Variants in KANK4 observed in about 807,000 individuals in gnomAD.
The protein encoded by KANK4 is KN motif and ankyrin repeat domain-containing protein 4.
A neutral mutation model predicts 80.8 loss-of-function variants in KANK4; 50 were observed. The ratio of observed to expected loss-of-function variants is 0.62; its 90% CI spans 0.49 to 0.78. The LOEUF (loss-of-function observed/expected upper bound fraction) is 0.78. Among genes scored for constraint, KANK4 ranks in the 30% least tolerant of loss-of-function variants. The probability of loss-of-function intolerance (pLI) is 0.00; values close to 1 mark genes in which losing one functional copy is unlikely to be tolerated. For missense variants in KANK4, 1,196 were observed against 1,240.1 expected, an observed-to-expected ratio of 0.96 and a Z score of 0.53; for synonymous variants, 465 against 506.9, an observed-to-expected ratio of 0.92 and a Z score of 1.11.
In KANK4 at chr1:62,247,320, T is replaced by TTA; in HGVS notation, c.2883+151_2883+152insTA. ...AAACAGCTACTTTTTTTTTTTTTTTTAAGAGATGGGGGTCTCCCTATGTTG... is the reference window on the plus strand; with the variant it reads ...AAACAGCTACTTTTTTTTTTTTTTTTTAAAGAGATGGGGGTCTCCCTATGTTG... On this transcript the variant is annotated intron_variant, in intron 9 of 9. Coordinates refer to ENST00000371153, the MANE Select transcript of KANK4 (RefSeq NM_181712.5). 1.2e-5 allele frequency: 7 copies of TTA among 568,376 alleles called. No homozygotes were observed. In the South Asian group the frequency reaches 1.5e-4, roughly 12 times the overall value. The allele number at this position is 568,376 out of a possible 1,614,324, so 35.2% of individuals were successfully genotyped here. A position where few individuals can be genotyped will look rare whatever the true frequency, so the allele number is the denominator to read the frequency against.
chr1:62,286,670 A>T (rs539749172), intron 1 of KANK4, among the ~76,000 whole-genome samples: 1 of 152,210 alleles, frequency 6.6e-6, no homozygotes, highest in East Asian at 1.9e-4. Context: ...ATTTGTTCCT[A>T]ATGAGGACGT....
rs2666471 is a variant in KANK4 at position 62,263,388 on chromosome 1, C to T, written c.2320-77G>A. The T allele has an allele frequency of 2.0e-4, 238 of 1,208,806 alleles. 1 individual carries two copies. In the African/African-American group the frequency reaches 3.5e-3, roughly 18 times the overall value. The allele number at this position is 1,208,806 out of a possible 1,614,324, so 74.9% of individuals were successfully genotyped here. A position where few individuals can be genotyped will look rare whatever the true frequency, so the allele number is the denominator to read the frequency against. ...TCCTCCCTTACACAAGGAAAGACAG[C>T]TTTGGCCTCTGTCCCTGCAGCTCCC... On this transcript the variant is annotated intron_variant, in intron 6 of 9. Transcript: ENST00000371153.
chr1:62,289,284 A>C (rs775202870), intron 1 of KANK4, among the ~76,000 whole-genome samples: 18 of 152,234 alleles, frequency 1.2e-4, no homozygotes, highest in Middle Eastern at 3.2e-3. Context: ...AGAGGCCTAA[A>C]GCACTTGCCC....
intron 9 of KANK4, among the ~76,000 whole-genome samples, chr1:62,238,676 G>T (rs1298804246): frequency 6.6e-6 from 1 of 151,308 alleles, no homozygotes; most frequent in Non-Finnish European, 1.5e-5. Flanking sequence ...ATCGCCCAGG[G>T]TGGAGTGCAG....
At chr1:62,294,836 G>T (rs949817686) in intron 1 of KANK4, among the ~76,000 whole-genome samples, 3 of 152,198 alleles carry the variant, frequency 2.0e-5, no homozygotes, top group Admixed American at 2.0e-4. Context: ...CATCAGAGAT[G>T]AATCAAAGAG....
chr1:62,281,337 T>C (rs1401189466), intron 2 of KANK4, among the ~76,000 whole-genome samples: 1 of 152,204 alleles, frequency 6.6e-6, no homozygotes, highest in Admixed American at 6.5e-5. Flanking sequence ...ATCACTTAGG[T>C]ATAAATGGAG....
intron 1 of KANK4, among the ~76,000 whole-genome samples, chr1:62,314,594 C>A (rs186170337): frequency 7.2e-5 from 11 of 152,214 alleles, no homozygotes; most frequent in African/African-American, 2.7e-4. Flanking sequence ...TTCTCTCCCC[C>A]CTTGTCATTT....
chr1:62,284,369 C>A (rs569304478), intron 1 of KANK4, among the ~76,000 whole-genome samples: 1 of 152,272 alleles, frequency 6.6e-6, no homozygotes, highest in Non-Finnish European at 1.5e-5. Flanking sequence ...TGACATAAAG[C>A]CATTTCTTTT....
intron 1 of KANK4, among the ~76,000 whole-genome samples, chr1:62,296,001 C>T (rs12724349): frequency 0.28 from 43,162 of 152,080 alleles, 6,577 homozygotes; most frequent in Middle Eastern, 0.39. Flanking sequence ...CCTAGGACAA[C>T]CTGGGCACGA....
At chr1:62,261,925 G>A (rs1268621489) in intron 7 of KANK4, among the ~76,000 whole-genome samples, 2 of 152,048 alleles carry the variant, frequency 1.3e-5, no homozygotes, top group Non-Finnish European at 1.5e-5. Context: ...TTCCTAAATT[G>A]CATTCTCTAT....
intron 9 of KANK4, among the ~76,000 whole-genome samples, chr1:62,241,585 G>A (rs781494508): frequency 1.3e-5 from 2 of 152,188 alleles, no homozygotes; most frequent in Non-Finnish European, 1.5e-5. Flanking sequence ...CATTTGGTCG[G>A]CCCTCAACAA....
rs746615430 is a variant in KANK4, at chr1:62,281,518, T to C, written c.16+31A>G. ...TCTTTCCCAGCCCAAGTGCTTATCTTAAACCAGGCCCTACAAAGCAGCTTG... is the reference window on the plus strand; with the variant it reads ...TCTTTCCCAGCCCAAGTGCTTATCTCAAACCAGGCCCTACAAAGCAGCTTG... On this transcript the variant is annotated intron_variant, in intron 2 of 9. Coordinates refer to ENST00000371153, the MANE Select transcript of KANK4 (RefSeq NM_181712.5). The C allele has an allele frequency of 3.7e-6, 6 of 1,613,990 alleles. No individual in the cohort carries two copies. The Admixed American group carries it at 8.3e-5, about 22-fold the overall frequency.
chr1:62,266,949 G>A (rs1428177809), intron 5 of KANK4, 130 bp from the exon 6 acceptor site: 2 of 599,152 alleles, frequency 3.3e-6, no homozygotes, highest in African/African-American at 1.9e-5. Flanking sequence ...CCCTAGGAGA[G>A]GGTGAGCTTC....
At chr1:62,315,489 A>G (rs955215103) in intron 1 of KANK4, among the ~76,000 whole-genome samples, 1 of 152,174 alleles carries the variant, frequency 6.6e-6, no homozygotes, top group Non-Finnish European at 1.5e-5. Flanking sequence ...ACACATGTAC[A>G]TTATGATATT....
Position 62,278,322 on chromosome 1 carries a change from TTCCTTCC to T in KANK4, c.16+3220_16+3226del, listed in dbSNP as rs1431793648. Among the ~76,000 whole-genome samples, 47 of 28,116 alleles carry T rather than the reference TTCCTTCC, an allele frequency of 1.7e-3. 4 individuals are homozygous for T. The highest frequency in any genetic ancestry group is 5.7e-3 in the African/African-American group (27 of 4,732). The allele number at this position is 28,116 out of a possible 152,430, so 18.4% of individuals were successfully genotyped here. The stretch of plus-strand genomic sequence containing the variant: ...CATTTCCTGGGGCACATTTTCTTTC[TTCCTTCC>T]TTCCTTCCTTCCTTCCTTCCTTCCT... On this transcript the variant is annotated intron_variant, in intron 2 of 9. Transcript: ENST00000371153.
At position 62,253,141 on chromosome 1, in the gene KANK4, C is replaced by A. The variant is rs150211365; in HGVS notation, c.2608G>T (p.Ala870Ser). 6.2e-7 allele frequency: 1 copy of A among 1,613,768 alleles called. No homozygotes were observed. Among genetic ancestry groups the A allele is most frequent in the Non-Finnish European group, 8.5e-7 (1 of 1,179,902 alleles). Reference protein sequence around the residue: ...TAVMITPLASAETNEDMAVVW... With the variant: ...TAVMITPLASSETNEDMAVVW... ...ACAGCCATGTCTTCATTGGTCTCTG[C>A]GGAAGCCAAGGGAGTGATCATTACG... Residue 870 changes from alanine (A) to serine (S), a missense_variant, in exon 8 of 10, where the codon GCA (alanine) becomes TCA (serine). Around this residue, in one of 3 missense-constraint regions of KANK4, gnomAD observed 1,154 missense variants for 1,179.6 expected, o/e 0.98. Coordinates refer to ENST00000371153, the MANE Select transcript of KANK4 (RefSeq NM_181712.5).
chr1:62,275,449 G>T (rs1196107035), intron 2 of KANK4, among the ~76,000 whole-genome samples: 1 of 152,156 alleles, frequency 6.6e-6, no homozygotes, highest in Non-Finnish European at 1.5e-5. Context: ...AAGTAGCCAG[G>T]AATTTGCCAA....
At chr1:62,259,389 ACCTCAGCCT>A (rs1422328276) in intron 7 of KANK4, among the ~76,000 whole-genome samples, 1 of 151,872 alleles carries the variant, frequency 6.6e-6, no homozygotes, top group African/African-American at 2.4e-5. Context: ...AGATCCTCCC[ACCTCAGCCT>A]CCTGAGTAGC....
At chr1:62,302,734 C>T (rs757111098) in intron 1 of KANK4, among the ~76,000 whole-genome samples, 5 of 152,090 alleles carry the variant, frequency 3.3e-5, no homozygotes, top group Non-Finnish European at 7.4e-5. Context: ...CCCAGGACTT[C>T]CAGCCTCCAG....
Sources: allele counts gnomAD v4.1 joint callset (sites outside exome capture counted in the v4.1 genomes callset), GRCh38; gene constraint gnomAD v4.1.1; regional missense constraint gnomAD v4.1.1; transcripts MANE v1.5; gene names NCBI Gene and HGNC (gene_info 2026-07-23, HGNC 2026-07-21).